Variants in FRMD6 observed in about 807,000 individuals in gnomAD.
The protein encoded by FRMD6 is FERM domain-containing protein 6.
Under a neutral mutation model 73.2 loss-of-function variants are expected in FRMD6, and 37 were observed. The ratio of observed to expected loss-of-function variants is 0.51; its 90% CI spans 0.39 to 0.66. The LOEUF (loss-of-function observed/expected upper bound fraction) is 0.66, where lower values mean the gene tolerates loss of function less well. Ranked by LOEUF, FRMD6 falls within the 30% of genes least tolerant of loss-of-function variation. The pLI is 0.00. For missense variants in FRMD6, 714 were observed against 780.5 expected (o/e 0.91, Z 1.02); for synonymous variants, 273 against 282.2 (o/e 0.97, Z 0.33).
At chr14:51,662,330 G>C (rs66820903) in intron 1 of FRMD6, among the ~76,000 whole-genome samples, 1 of 151,522 alleles carries the variant, frequency 6.6e-6, no homozygotes, top group Non-Finnish European at 1.5e-5. Flanking sequence ...CCAAAAAAAA[G>C]AGCTTGAATA....
At chr14:51,654,385 TATG>T (rs1423394626) in intron 1 of FRMD6, among the ~76,000 whole-genome samples, 1 of 152,020 alleles carries the variant, frequency 6.6e-6, no homozygotes, top group African/African-American at 2.4e-5. Context: ...TTTCTGAACT[TATG>T]ATGTAATAGA....
intron 13 of FRMD6, among the ~76,000 whole-genome samples, chr14:51,726,222 C>A (rs1159949507): frequency 6.6e-6 from 1 of 152,136 alleles, no homozygotes; most frequent in Non-Finnish European, 1.5e-5. Flanking sequence ...TGTGTTCTGG[C>A]AGAAATGTTT....
chr14:51,708,149 A>G lies in FRMD6; in HGVS notation c.630A>G (p.Leu210=), dbSNP rs1240787138. The change falls in exon 7 of 14, where the codon CTA becomes CTG. Residue 210 remains leucine (L), a synonymous_variant. Coordinates refer to ENST00000344768, the MANE Select transcript of FRMD6 (RefSeq NM_001267046.2). ...ACATGCACAAAGATCAGTTTGCACTAACAGCTTCCGAAGCTCATCTTAAAT... is the reference window on the plus strand; with the variant it reads ...ACATGCACAAAGATCAGTTTGCACTGACAGCTTCCGAAGCTCATCTTAAAT... ...IPNMHKDQFA[L]TASEAHLKYI... 2 of 1,613,350 alleles carry G rather than the reference A, an allele frequency of 1.2e-6. No homozygotes were observed. Among genetic ancestry groups the G allele is most frequent in the Non-Finnish European group, 1.7e-6 (2 of 1,179,486 alleles).
At chr14:51,637,063 A>G (rs186805157) in intron 2 of FRMD6, among the ~76,000 whole-genome samples, 50 of 146,544 alleles carry the variant, frequency 3.4e-4, no homozygotes, top group Admixed American at 2.9e-3. Flanking sequence ...GTCTCTACAA[A>G]TAATAATAAT....
chr14:51,706,728 G>C (rs1217915187), intron 6 of FRMD6, among the ~76,000 whole-genome samples: 1 of 151,992 alleles, frequency 6.6e-6, no homozygotes, highest in Non-Finnish European at 1.5e-5. Context: ...AAGAACCTGG[G>C]AATAGTGTTT....
At chr14:51,529,129 T>C (rs916559468) in intron 1 of FRMD6, among the ~76,000 whole-genome samples, 1 of 152,248 alleles carries the variant, frequency 6.6e-6, no homozygotes, top group Non-Finnish European at 1.5e-5. Flanking sequence ...TGGTGTTTTG[T>C]GTTTTCAGTT....
intron 2 of FRMD6, among the ~76,000 whole-genome samples, chr14:51,645,030 AG>A (rs957515239): frequency 5.3e-5 from 8 of 152,224 alleles, no homozygotes; most frequent in African/African-American, 1.9e-4. Context: ...TCTAATTAGC[AG>A]TGTTCTTTCC....
At chr14:51,448,712 G>A in the FRMD6 span, among the ~76,000 whole-genome samples, 4 of 152,274 alleles carry the variant, frequency 2.6e-5, no homozygotes, top group Middle Eastern at 3.4e-3. Flanking sequence ...CATGTGACAC[G>A]TGTGTTCAAA....
chr14:51,722,191 G>C (rs1160596834), intron 12 of FRMD6, 111 bp downstream of exon 12: 2 of 1,094,122 alleles, frequency 1.8e-6, no homozygotes, highest in African/African-American at 3.1e-5. Flanking sequence ...CCAGAGACTG[G>C]ACTGCACTAA....
the FRMD6 span, among the ~76,000 whole-genome samples, chr14:51,460,243 G>A: frequency 2.0e-5 from 3 of 152,122 alleles, no homozygotes; most frequent in Non-Finnish European, 4.4e-5. Flanking sequence ...TTTAGTCAAG[G>A]AAACACACAT....
chr14:51,420,352 G>A, the FRMD6 span, among the ~76,000 whole-genome samples: 1 of 152,220 alleles, frequency 6.6e-6, no homozygotes. Context: ...CTTCATAGTT[G>A]GAGAGCAGGC....
the FRMD6 span, among the ~76,000 whole-genome samples, chr14:51,401,656 G>A: frequency 2.0e-5 from 3 of 152,302 alleles, no homozygotes; most frequent in African/African-American, 2.4e-5. Flanking sequence ...GAACTTCCCC[G>A]TAGGAGTATT....
chr14:51,604,114 C>A (rs528801919), intron 2 of FRMD6, among the ~76,000 whole-genome samples: 8 of 152,284 alleles, frequency 5.3e-5, no homozygotes, highest in African/African-American at 1.7e-4. Flanking sequence ...AGGAAGCTTT[C>A]ATTACTACTT....
upstream of FRMD6, among the ~76,000 whole-genome samples, chr14:51,485,702 T>A (rs139539075): frequency 6.0e-4 from 91 of 152,332 alleles, no homozygotes; most frequent in African/African-American, 2.1e-3. Flanking sequence ...CATCCTTTGT[T>A]TGGTGGTGAT....
chr14:51,443,025 T>C, the FRMD6 span, among the ~76,000 whole-genome samples: 1 of 152,172 alleles, frequency 6.6e-6, no homozygotes, highest in Admixed American at 6.5e-5. Flanking sequence ...TTCCCCATAC[T>C]TGAGGTTGTG....
intron 2 of FRMD6, among the ~76,000 whole-genome samples, chr14:51,576,797 T>C (rs1888429493): frequency 6.6e-6 from 1 of 152,232 alleles, no homozygotes; most frequent in South Asian, 2.1e-4. Flanking sequence ...CCATCTTGTC[T>C]GGCACGTTGC....
the FRMD6 span, among the ~76,000 whole-genome samples, chr14:51,468,353 AT>A: frequency 6.6e-6 from 1 of 151,356 alleles, no homozygotes; most frequent in South Asian, 2.1e-4. Flanking sequence ...ATTTATTCCT[AT>A]TTTATATTTT....
intron 1 of FRMD6, among the ~76,000 whole-genome samples, chr14:51,687,390 A>G (rs956835534): frequency 6.6e-6 from 1 of 152,206 alleles, no homozygotes; most frequent in African/African-American, 2.4e-5. Flanking sequence ...TTTCTTCTTG[A>G]AAAGATTTAT....
intron 2 of FRMD6, among the ~76,000 whole-genome samples, chr14:51,578,674 C>CT (rs1345543307): frequency 2.0e-5 from 3 of 152,174 alleles, no homozygotes; most frequent in African/African-American, 7.2e-5. Context: ...ATGCTGTGTA[C>CT]TTTCAGACAC....
Sources: allele counts gnomAD v4.1 joint callset (sites outside exome capture counted in the v4.1 genomes callset), GRCh38; gene constraint gnomAD v4.1.1; transcripts MANE v1.5; gene names NCBI Gene and HGNC (gene_info 2026-07-23, HGNC 2026-07-21).